Variants in ZRANB3 observed in about 807,000 individuals in gnomAD.
ZRANB3 encodes the protein zinc finger RANBP2-type containing 3, also known as DNA annealing helicase and endonuclease ZRANB3.
ZRANB3 carries 125 observed loss-of-function variants against 133.8 expected under a neutral mutation model. The observed-to-expected ratio is 0.93, with a 90% confidence interval of 0.81 to 1.08. ZRANB3 has a LOEUF of 1.08. Among genes scored for constraint, ZRANB3 ranks in the 50% least tolerant of loss-of-function variants. The pLI is 0.00. For synonymous variants in ZRANB3, 387 were observed against 432.7 expected (o/e 0.89, Z 1.31); for missense variants, 1,229 against 1,275.5 (o/e 0.96, Z 0.56).
intron 2 of ZRANB3, among the ~76,000 whole-genome samples, chr2:135,493,955 T>A (rs1692534722): frequency 6.6e-6 from 1 of 152,052 alleles, no homozygotes; most frequent in African/African-American, 2.4e-5. Flanking sequence ...AAACATTATA[T>A]TGAGTGAGAG....
chr2:135,384,577 T>C (rs930392874), intron 3 of ZRANB3, among the ~76,000 whole-genome samples: 2 of 151,916 alleles, frequency 1.3e-5, no homozygotes, highest in Admixed American at 6.6e-5. Flanking sequence ...TGATGAACAT[T>C]GATGCAAAAA....
intron 11 of ZRANB3, among the ~76,000 whole-genome samples, chr2:135,267,442 A>C (rs1315701084): frequency 6.6e-6 from 1 of 152,074 alleles, no homozygotes; most frequent in African/African-American, 2.4e-5. Flanking sequence ...CTCATGACCC[A>C]ATCATTTTTT....
At chr2:135,396,446 TGTG>T (rs1358736265) in intron 2 of ZRANB3, among the ~76,000 whole-genome samples, 1 of 152,034 alleles carries the variant, frequency 6.6e-6, no homozygotes, top group Admixed American at 6.6e-5. Context: ...ATAAAGAAAA[TGTG>T]GTACATATAC....
chr2:135,510,523 G>A, intron 1 of ZRANB3: 1 of 628,452 alleles, frequency 1.6e-6, no homozygotes, highest in African/African-American at 1.8e-5. Context: ...GGTTTGTATG[G>A]CCGCGTGAAG....
chr2:135,356,513 A>C (rs1191033417), intron 3 of ZRANB3, among the ~76,000 whole-genome samples: 2 of 152,156 alleles, frequency 1.3e-5, no homozygotes, highest in African/African-American at 4.8e-5. Context: ...TAAGAATAAG[A>C]AGAATCCTGA....
chr2:135,439,306 G>A (rs1022756285), intron 2 of ZRANB3, among the ~76,000 whole-genome samples: 7 of 152,034 alleles, frequency 4.6e-5, no homozygotes, highest in Non-Finnish European at 7.4e-5. Flanking sequence ...TATTCATAAC[G>A]ACCTCATTGA....
At chr2:135,233,650 A>C (rs1368954547) in intron 12 of ZRANB3, among the ~76,000 whole-genome samples, 1 of 152,232 alleles carries the variant, frequency 6.6e-6, no homozygotes, top group Non-Finnish European at 1.5e-5. Flanking sequence ...AACATTCTCA[A>C]AGAAAAGAAT....
At chr2:135,231,538 C>T (rs1227279143) in intron 12 of ZRANB3, among the ~76,000 whole-genome samples, 2 of 152,112 alleles carry the variant, frequency 1.3e-5, no homozygotes, top group African/African-American at 4.8e-5. Context: ...TATGGCAGGA[C>T]TGCCTGAGCC....
chr2:135,422,403 A>T (rs1310372388), intron 2 of ZRANB3, among the ~76,000 whole-genome samples: 1 of 151,880 alleles, frequency 6.6e-6, no homozygotes, highest in African/African-American at 2.4e-5. Context: ...ATCATTTGCT[A>T]CAGTTGTTCA....
At chr2:135,501,578 TTC>T (rs1574213661) in intron 2 of ZRANB3, among the ~76,000 whole-genome samples, 1 of 152,158 alleles carries the variant, frequency 6.6e-6, no homozygotes, top group East Asian at 1.9e-4. Flanking sequence ...CCTAAAGCTT[TTC>T]TTTTTGCTGA....
At chr2:135,441,996 A>G (rs1436195269) in intron 2 of ZRANB3, among the ~76,000 whole-genome samples, 6 of 152,210 alleles carry the variant, frequency 3.9e-5, no homozygotes, top group Non-Finnish European at 7.3e-5. Flanking sequence ...CGCCATATGT[A>G]GAAAGCTGAA....
chr2:135,203,751 C>G (rs1693735833), intron 19 of ZRANB3, among the ~76,000 whole-genome samples: 1 of 151,680 alleles, frequency 6.6e-6, no homozygotes, highest in Admixed American at 6.6e-5. Context: ...AACTTTTATA[C>G]TATTCACCAG....
intron 2 of ZRANB3, among the ~76,000 whole-genome samples, chr2:135,412,798 T>G (rs568844895): frequency 2.0e-4 from 30 of 152,254 alleles, no homozygotes; most frequent in Non-Finnish European, 3.4e-4. Context: ...AATTTTCTGC[T>G]AATGGAATCA....
At chr2:135,371,829 T>C (rs1247171998) in intron 3 of ZRANB3, among the ~76,000 whole-genome samples, 1 of 152,076 alleles carries the variant, frequency 6.6e-6, no homozygotes, top group Non-Finnish European at 1.5e-5. Context: ...TGGAGGCTTT[T>C]GGAGGGAAGT....
In ZRANB3 at chr2:135,207,529, C is replaced by A. The variant is rs768412351; in HGVS notation, c.2914G>T (p.Ala972Ser). ...CTCAGACGTAAAAAGAGTTCTTGTG[C>A]GTTCACATTACAGAGCTGACACACA... is the stretch of plus-strand genomic sequence containing the variant. ...HGVCQLCNVNAQELFLRLRDA... is the reference protein window; with the variant it reads ...HGVCQLCNVNSQELFLRLRDA... Residue 972 changes from alanine to serine, a missense_variant, in exon 19 of 21, where the codon GCA becomes TCA. Physicochemically the swap from Ala to Ser is moderately conservative, Grantham distance 99. Transcript: ENST00000264159. 5 of 1,613,864 alleles carry A rather than the reference C, an allele frequency of 3.1e-6. No homozygotes were observed. The highest frequency in any genetic ancestry group is 2.7e-5 in the African/African-American group (2 of 74,920).
At position 135,233,307 on chromosome 2, in the gene ZRANB3, C is replaced by T. The variant is rs112101920; in HGVS notation, c.1540-2380G>A. On this transcript the variant is annotated intron_variant, in intron 12 of 20. Transcript: ENST00000264159. ...ATGGGACCATGTGAAAAGATCAAAT[C>T]TACATCTGATTGGTGTACCTGAAAC... Among the ~76,000 whole-genome samples the T allele has an allele frequency of 3.0e-3, 453 of 152,282 alleles. 3 individuals are homozygous for T. The highest frequency in any genetic ancestry group is 0.01 in the African/African-American group (422 of 41,552).
In ZRANB3 at chr2:135,528,154, T is replaced by C. The variant is rs867918039; in HGVS notation, c.-8+2973A>G. ...GACCTTAAAGCTCTTTTTTTTTTTTTTGTGGTTTGTTTGAGACAGAGTCTC... is the reference window on the plus strand; with the variant it reads ...GACCTTAAAGCTCTTTTTTTTTTTTCTGTGGTTTGTTTGAGACAGAGTCTC... On this transcript the variant is annotated intron_variant, in intron 1 of 20. Coordinates refer to ENST00000264159, the MANE Select transcript of ZRANB3 (RefSeq NM_032143.4). Among the ~76,000 whole-genome samples, 4 of 152,164 alleles carry C rather than the reference T, an allele frequency of 2.6e-5. No individual in the cohort carries two copies. In the South Asian group the frequency reaches 6.2e-4, roughly 24 times the overall value.
intron 14 of ZRANB3, among the ~76,000 whole-genome samples, chr2:135,225,018 T>C (rs368220374): frequency 2.0e-5 from 3 of 152,210 alleles, no homozygotes; most frequent in African/African-American, 7.2e-5. Context: ...TGATAATCTC[T>C]TCTTTTTTAG....
In ZRANB3 at chr2:135,398,376, G is replaced by A. The variant is rs562872325; in HGVS notation, c.162-7556C>T. Among the ~76,000 whole-genome samples, 35 of 151,406 alleles carry A rather than the reference G, an allele frequency of 2.3e-4. No homozygotes were observed. The South Asian group carries it at 6.5e-3, about 28-fold the overall frequency. ...TCACTGCACCTGGCCCTACATGCCT[G>A]TTCTTAATTTCATCTACTAGCTTCT... On this transcript the variant is annotated intron_variant, in intron 2 of 20. Transcript: ENST00000264159.
Sources: allele counts gnomAD v4.1 joint callset (sites outside exome capture counted in the v4.1 genomes callset), GRCh38; gene constraint gnomAD v4.1.1; transcripts MANE v1.5; gene names NCBI Gene and HGNC (gene_info 2026-07-23, HGNC 2026-07-21).